The following TMEM255B variants were observed in gnomAD, a reference collection of about 807,000 sequenced individuals.
TMEM255B encodes transmembrane protein 255B, also known as family with sequence similarity 70, member B.
In TMEM255B, 35 loss-of-function variants were observed where a neutral mutation model predicts 34.5. The ratio of observed to expected loss-of-function variants is 1.01; its 90% CI spans 0.77 to 1.34. The LOEUF is 1.34. Among genes scored for constraint, TMEM255B ranks in the 40% most tolerant of loss-of-function variants. The pLI is 0.00. For synonymous variants in TMEM255B, 206 were observed against 201.2 expected (o/e 1.02, Z -0.20); for missense variants, 432 against 433.2 (o/e 1.00, Z 0.02).
At chr13:113,766,403 C>T (rs1389586263) in intron 2 of TMEM255B, 146 bp downstream of exon 2, 2 of 1,162,484 alleles carry the variant, frequency 1.7e-6, no homozygotes, top group East Asian at 2.4e-5. Flanking sequence ...GTTATGGCCC[C>T]CACAGACATG....
chr13:113,775,393 G>A (rs1038531787), intron 3 of TMEM255B, among the ~76,000 whole-genome samples: 36 of 152,374 alleles, frequency 2.4e-4, no homozygotes, highest in African/African-American at 8.4e-4. Flanking sequence ...CTGGGGCGTC[G>A]GGCCCCGCAC....
At position 113,811,927 on chromosome 13, in the gene TMEM255B, CTTGT is replaced by C. The variant is rs766225481; in HGVS notation, c.*31_*34del. 3.3e-5 allele frequency: 51 copies of C among 1,546,460 alleles called. No individual in the cohort carries two copies. The highest frequency in any genetic ancestry group is 7.1e-5 in the African/African-American group (5 of 70,084). On this transcript the variant is annotated 3_prime_UTR_variant, in exon 9 of 9. Transcript: ENST00000375353. ...GATAGAGGCGTGGAGTAAAAGATAA[CTTGT>C]TTGTTTTTTTTTTTAAAAAAAAGGC...
chr13:113,777,228 T>C (rs1173686267), intron 3 of TMEM255B, among the ~76,000 whole-genome samples: 17 of 152,140 alleles, frequency 1.1e-4, no homozygotes, highest in Admixed American at 1.1e-3. Context: ...TGGTGCACTT[T>C]GGGGATCTCT....
At chr13:113,786,641 A>T (rs61966731) in intron 3 of TMEM255B, among the ~76,000 whole-genome samples, 1 of 53,764 alleles carries the variant, frequency 1.9e-5, no homozygotes. Context: ...CATCACCATC[A>T]TCACTGTCGT....
In TMEM255B at chr13:113,806,155, C is replaced by T. The variant is rs1056723236; in HGVS notation, c.813+1127C>T. On this transcript the variant is annotated intron_variant, in intron 8 of 8. Transcript: ENST00000375353. The surrounding 1 kb of genome is among the most constrained non-coding windows in gnomAD (Gnocchi z 4.2). Reference sequence around the variant, plus strand: ...GAGGCCTGTGCACACTCTGCCCTCACGTCCAGGACAGAGAGGGCTCAGGTT... The same window carrying T: ...GAGGCCTGTGCACACTCTGCCCTCATGTCCAGGACAGAGAGGGCTCAGGTT... Among the ~76,000 whole-genome samples the T allele has an allele frequency of 8.5e-5, 13 of 152,178 alleles. No individual in the cohort carries two copies. Among genetic ancestry groups the T allele is most frequent in the Admixed American group, 2.0e-4 (3 of 15,290 alleles).
intron 8 of TMEM255B, among the ~76,000 whole-genome samples, chr13:113,809,736 G>A (rs971033419): frequency 2.6e-5 from 4 of 151,966 alleles, no homozygotes; most frequent in Non-Finnish European, 5.9e-5. Context: ...GGTTCCTAGG[G>A]AGTTACTCCA....
intron 1 of TMEM255B, among the ~76,000 whole-genome samples, chr13:113,762,166 AG>A (rs1297988565): frequency 6.6e-6 from 1 of 151,520 alleles, no homozygotes; most frequent in Non-Finnish European, 1.5e-5. Context: ...CCTAAGTGAA[AG>A]CCCCTTTCTC....
intron 4 of TMEM255B, among the ~76,000 whole-genome samples, chr13:113,796,359 ACACCACACAGAGTACACACCT>A: frequency 4.1e-5 from 6 of 146,528 alleles, no homozygotes; most frequent in Non-Finnish European, 9.0e-5. Flanking sequence ...TACACACCTC[ACACCACACAGAGTACACACCT>A]CACACCACAC....
intron 3 of TMEM255B, among the ~76,000 whole-genome samples, chr13:113,772,835 G>A (rs1256967398): frequency 6.6e-6 from 1 of 152,208 alleles, no homozygotes; most frequent in African/African-American, 2.4e-5. Flanking sequence ...ATAAGGGCTT[G>A]TGAGTCTTCC....
rs116036146 is a variant in TMEM255B at position 113,777,702 on chromosome 13, C to T, written c.252+8542C>T. Among the ~76,000 whole-genome samples, 139 of 152,316 alleles carry T rather than the reference C, an allele frequency of 9.1e-4. 1 individual carries two copies. In the East Asian group the frequency reaches 0.024, roughly 27 times the overall value. On this transcript the variant is annotated intron_variant, in intron 3 of 8. Coordinates refer to ENST00000375353, the MANE Select transcript of TMEM255B (RefSeq NM_182614.4). ...AATCCCCAGGGTCCCCGCACCAGGT[C>T]CCTTGTCCTAAGGAGGGGGATGAGC...
chr13:113,806,715 T>C lies in TMEM255B; in HGVS notation c.813+1687T>C, dbSNP rs2051178783. On this transcript the variant is annotated intron_variant, in intron 8 of 8. Transcript: ENST00000375353. The surrounding 1 kb of genome is among the most constrained non-coding windows in gnomAD (Gnocchi z 4.2). ...CCCTGCCCCAGGGACGTCCCCATCA[T>C]GGCAGGGACCGTGCCCCCAGGGCCA... Among the ~76,000 whole-genome samples, 1 of 152,040 alleles carries C rather than the reference T, an allele frequency of 6.6e-6. No individual in the cohort carries two copies. Among genetic ancestry groups the C allele is most frequent in the Non-Finnish European group, 1.5e-5 (1 of 67,950 alleles).
In TMEM255B at chr13:113,769,247, C is replaced by A. The variant is rs2050439662; in HGVS notation, c.252+87C>A. 1 of 1,464,424 alleles carries A rather than the reference C, an allele frequency of 6.8e-7. No individual in the cohort carries two copies. Among genetic ancestry groups the A allele is most frequent in the Admixed American group, 1.7e-5 (1 of 58,894 alleles). The allele number at this position is 1,464,424 out of a possible 1,614,324, so 90.7% of individuals were successfully genotyped here. ...ACTGGGGCTCTGAGAAGAGTCAGCC[C>A]TGCCTCCCCAGCACACTGGTGTCTA... On this transcript the variant is annotated intron_variant, in intron 3 of 8. Coordinates refer to ENST00000375353, the MANE Select transcript of TMEM255B (RefSeq NM_182614.4). The surrounding 1 kb of genome is among the most constrained non-coding windows in gnomAD (Gnocchi z 4.2).
At chr13:113,810,741 T>C (rs1444709744) in intron 8 of TMEM255B, among the ~76,000 whole-genome samples, 2 of 152,136 alleles carry the variant, frequency 1.3e-5, no homozygotes, top group Non-Finnish European at 2.9e-5. Context: ...GTCCAGGGGC[T>C]GAGGCACTGT....
intron 2 of TMEM255B, among the ~76,000 whole-genome samples, chr13:113,767,882 C>A (rs956686220): frequency 6.6e-6 from 1 of 152,086 alleles, no homozygotes; most frequent in Non-Finnish European, 1.5e-5. Context: ...ACATGTATAT[C>A]GAAGTGAAAT....
intron 1 of TMEM255B, among the ~76,000 whole-genome samples, chr13:113,760,093 C>T (rs186773471): frequency 2.0e-5 from 3 of 152,188 alleles, no homozygotes; most frequent in East Asian, 3.9e-4. Flanking sequence ...GAAGCCCTGA[C>T]GGCTGGAGGG....
At chr13:113,762,877 A>G (rs1227804910) in intron 1 of TMEM255B, among the ~76,000 whole-genome samples, 2 of 152,258 alleles carry the variant, frequency 1.3e-5, no homozygotes, top group Admixed American at 1.3e-4. Flanking sequence ...ATATGCATGC[A>G]GTGCATTTAA....
intron 3 of TMEM255B, among the ~76,000 whole-genome samples, chr13:113,777,543 A>G (rs2138537444): frequency 6.6e-6 from 1 of 152,262 alleles, no homozygotes; most frequent in South Asian, 2.1e-4. Context: ...CAGCTCCCCC[A>G]GCGCTGTGCT....
At chr13:113,764,119 T>G (rs1594614033) in intron 1 of TMEM255B, among the ~76,000 whole-genome samples, 1 of 139,752 alleles carries the variant, frequency 7.2e-6, no homozygotes. Flanking sequence ...TGGCCTGGGG[T>G]GGGATGGGCC....
At chr13:113,775,799 G>C (rs1161987992) in intron 3 of TMEM255B, among the ~76,000 whole-genome samples, 1 of 152,244 alleles carries the variant, frequency 6.6e-6, no homozygotes, top group African/African-American at 2.4e-5. Flanking sequence ...TGAAGCTCCT[G>C]TGGCCCTGAT....
Sources: allele counts gnomAD v4.1 joint callset (sites outside exome capture counted in the v4.1 genomes callset), GRCh38; gene constraint gnomAD v4.1.1; non-coding constraint Gnocchi (gnomAD v3.1); transcripts MANE v1.5; gene names NCBI Gene and HGNC (gene_info 2026-07-23, HGNC 2026-07-21).